The following RALYL variants were observed in gnomAD, a reference collection of about 807,000 sequenced individuals.
RALYL encodes the protein RNA-binding Raly-like protein.
Under a neutral mutation model 35.1 loss-of-function variants are expected in RALYL, and 29 were observed. The ratio of observed to expected loss-of-function variants is 0.83; its 90% confidence interval spans 0.61 to 1.13. RALYL has a LOEUF of 1.13. Ranked by LOEUF, RALYL falls within the 50% of genes most tolerant of loss-of-function variation. RALYL has a pLI of 0.00. For missense variants in RALYL, 359 were observed against 360.4 expected, an observed-to-expected ratio of 1.00 and a Z score of 0.03; for synonymous variants, 120 against 127.6, an observed-to-expected ratio of 0.94 and a Z score of 0.40.
At chr8:84,541,162 T>C (rs2059995467) in intron 2 of RALYL, among the ~76,000 whole-genome samples, 1 of 151,910 alleles carries the variant, frequency 6.6e-6, no homozygotes, top group East Asian at 1.9e-4. Context: ...AATTTGCCAC[T>C]CTTTTCCTAA....
At chr8:84,377,750 G>T (rs1313185346) in intron 1 of RALYL, among the ~76,000 whole-genome samples, 1 of 151,618 alleles carries the variant, frequency 6.6e-6, no homozygotes, top group East Asian at 1.9e-4. Context: ...GTAAACCATT[G>T]AAAATTCAGA....
In RALYL at chr8:84,529,595, A is replaced by G. The variant is rs756530491; in HGVS notation, c.256+18A>G. On this transcript the variant is annotated intron_variant, in intron 2 of 8. Transcript: ENST00000521268. ...ACCACTTGGTAAGTCATGCTCAGAC[A>G]TGGATCTCACGTTATTGTTCATATA... 5 of 1,599,632 alleles carry G rather than the reference A, an allele frequency of 3.1e-6. No homozygotes were observed. The highest frequency in any genetic ancestry group is 1.1e-5 in the South Asian group (1 of 90,518).
At chr8:84,270,134 T>A (rs899222981) in intron 1 of RALYL, among the ~76,000 whole-genome samples, 1 of 152,156 alleles carries the variant, frequency 6.6e-6, no homozygotes. Flanking sequence ...ATTAAGTCAT[T>A]ACAGCCCAGT....
chr8:84,729,462 C>T (rs10110588), intron 2 of RALYL, among the ~76,000 whole-genome samples: 36,154 of 151,572 alleles, frequency 0.24, 4,512 homozygotes, highest in African/African-American at 0.28. Context: ...CCTAACATCA[C>T]AATTAAAAGA....
intron 7 of RALYL, among the ~76,000 whole-genome samples, chr8:84,873,684 T>C (rs1309997699): frequency 6.6e-6 from 1 of 152,204 alleles, no homozygotes; most frequent in Non-Finnish European, 1.5e-5. Flanking sequence ...TTTATCTCAA[T>C]ATCAAGTAAC....
intron 1 of RALYL, among the ~76,000 whole-genome samples, chr8:84,250,743 T>C (rs1329764120): frequency 6.6e-6 from 1 of 152,154 alleles, no homozygotes; most frequent in Non-Finnish European, 1.5e-5. Flanking sequence ...AAAGGTGACT[T>C]TTCAGTCTAT....
At chr8:84,603,158 T>C (rs887570650) in intron 2 of RALYL, among the ~76,000 whole-genome samples, 2 of 152,050 alleles carry the variant, frequency 1.3e-5, no homozygotes, top group African/African-American at 4.8e-5. Flanking sequence ...AGGTAAAGAA[T>C]CTGGAAGTTT....
At chr8:84,325,762 G>T (rs547307689) in intron 1 of RALYL, among the ~76,000 whole-genome samples, 1 of 152,310 alleles carries the variant, frequency 6.6e-6, no homozygotes, top group South Asian at 2.1e-4. Context: ...ACCATTCTAC[G>T]TGGCTAGCAG....
intron 2 of RALYL, among the ~76,000 whole-genome samples, chr8:84,533,089 C>A (rs1273305326): frequency 2.0e-5 from 3 of 152,076 alleles, no homozygotes. Flanking sequence ...TTTTAAATCA[C>A]AATTCCTATA....
chr8:84,352,667 A>C (rs1851134478), intron 1 of RALYL, among the ~76,000 whole-genome samples: 1 of 150,424 alleles, frequency 6.6e-6, no homozygotes, highest in South Asian at 2.1e-4. Flanking sequence ...CAAATGCAAA[A>C]ATGAAAACTA....
intron 1 of RALYL, among the ~76,000 whole-genome samples, chr8:84,368,272 A>G (rs934893955): frequency 8.5e-5 from 13 of 152,220 alleles, no homozygotes; most frequent in African/African-American, 3.1e-4. Context: ...AAAGATGTGT[A>G]TATTACAAAC....
intron 8 of RALYL, among the ~76,000 whole-genome samples, chr8:84,908,772 A>C (rs1026892880): frequency 1.3e-5 from 2 of 152,072 alleles, no homozygotes; most frequent in African/African-American, 2.4e-5. Context: ...AACCCCCGGG[A>C]AATGCAGAGC....
At chr8:84,561,337 T>C (rs2061455884) in intron 2 of RALYL, among the ~76,000 whole-genome samples, 1 of 151,902 alleles carries the variant, frequency 6.6e-6, no homozygotes, top group South Asian at 2.1e-4. Context: ...GACTGGATTG[T>C]AGAGGGGAAG....
intron 6 of RALYL, chr8:84,872,981 TAAA>T (rs574118762): frequency 4.5e-6 from 1 of 221,670 alleles, no homozygotes; most frequent in East Asian, 1.0e-4. Flanking sequence ...CTCTATTTTG[TAAA>T]ATTTAGCATC....
chr8:84,574,546 A>G (rs1285777102), intron 2 of RALYL, among the ~76,000 whole-genome samples: 24 of 152,086 alleles, frequency 1.6e-4, no homozygotes, highest in Admixed American at 1.6e-3. Context: ...ATCACTAATT[A>G]TCCCTCTCTC....
intron 1 of RALYL, among the ~76,000 whole-genome samples, chr8:84,385,160 C>A (rs1858905407): frequency 6.6e-6 from 1 of 151,672 alleles, no homozygotes; most frequent in African/African-American, 2.4e-5. Context: ...TCAGATGATC[C>A]ATTTACATAT....
At chr8:84,899,577 G>A (rs1845320791) in intron 8 of RALYL, among the ~76,000 whole-genome samples, 1 of 152,122 alleles carries the variant, frequency 6.6e-6, no homozygotes, top group Admixed American at 6.6e-5. Context: ...TACAAAGAAT[G>A]GAAGCAAACA....
chr8:84,485,950 C>G (rs1227605467), intron 1 of RALYL, among the ~76,000 whole-genome samples: 1 of 146,240 alleles, frequency 6.8e-6, no homozygotes, highest in Non-Finnish European at 1.5e-5. Flanking sequence ...TTGCCAGTGT[C>G]TTCATTCTAT....
intron 5 of RALYL, among the ~76,000 whole-genome samples, chr8:84,852,691 A>G (rs994821534): frequency 5.9e-5 from 9 of 152,190 alleles, no homozygotes; most frequent in African/African-American, 2.2e-4. Flanking sequence ...TTGTTACCGG[A>G]AAGGGGTCCC....
Sources: gnomAD v4.1 joint callset for allele counts (sites outside exome capture counted in the v4.1 genomes callset) on GRCh38, gnomAD v4.1.1 for gene constraint, MANE v1.5 for transcripts, NCBI Gene and HGNC (gene_info 2026-07-23, HGNC 2026-07-21) for gene names.